Variants in MYLK observed in about 807,000 individuals in gnomAD.
MYLK encodes myosin light chain kinase, smooth muscle.
Under a neutral mutation model 203.4 loss-of-function variants are expected in MYLK, and 106 were observed. That is an observed-to-expected ratio of 0.52 (90% confidence interval 0.45 to 0.61). The LOEUF (loss-of-function observed/expected upper bound fraction) is 0.61. MYLK is among the 20% of genes least tolerant of loss of function. The pLI, the probability that MYLK is intolerant of heterozygous loss-of-function variation, is 0.00. For synonymous variants in MYLK, 867 were observed against 959.5 expected (o/e 0.90, Z 1.78); for missense variants, 2,072 against 2,442.3 (o/e 0.85, Z 3.20).
intron 3 of MYLK, among the ~76,000 whole-genome samples, chr3:123,812,739 C>A (rs1296410391): frequency 1.3e-5 from 2 of 152,210 alleles, no homozygotes; most frequent in Non-Finnish European, 2.9e-5. Flanking sequence ...CACATCCAGT[C>A]AGCTGTGCCT....
At chr3:123,685,822 T>C (rs1036961713) in intron 19 of MYLK, among the ~76,000 whole-genome samples, 1 of 152,250 alleles carries the variant, frequency 6.6e-6, no homozygotes. Flanking sequence ...CCCTGTAATG[T>C]GCTTTGAGTC....
At chr3:123,837,671 T>C (rs2066507202) in intron 2 of MYLK, among the ~76,000 whole-genome samples, 4 of 151,968 alleles carry the variant, frequency 2.6e-5, no homozygotes, top group African/African-American at 9.6e-5. Context: ...GCATCACCTG[T>C]AAAAGAAATG....
intron 20 of MYLK, among the ~76,000 whole-genome samples, chr3:123,671,672 C>G (rs2059917132): frequency 6.6e-6 from 1 of 152,044 alleles, no homozygotes; most frequent in Admixed American, 6.6e-5. Flanking sequence ...CAAAGAGAAG[C>G]AAGGAAACAA....
intron 4 of MYLK, among the ~76,000 whole-genome samples, chr3:123,767,652 C>T (rs1372564255): frequency 2.6e-5 from 4 of 152,200 alleles, no homozygotes; most frequent in African/African-American, 9.6e-5. Context: ...GGTGCCAGAG[C>T]TGCCCTAAGG....
chr3:123,614,028 G>GTTTTT lies in MYLK; in HGVS notation c.*72_*76dup. The GTTTTT allele has an allele frequency of 1.4e-5, 18 of 1,291,510 alleles. No individual in the cohort carries two copies. The highest frequency in any genetic ancestry group is 2.7e-5 in the South Asian group (2 of 75,176). 80.0% of individuals were successfully genotyped at this position (1,291,510 alleles called of 1,614,324 possible). On this transcript the variant is annotated 3_prime_UTR_variant, in exon 34 of 34. Coordinates refer to ENST00000360304, the MANE Select transcript of MYLK (RefSeq NM_053025.4). Reference sequence around the variant, plus strand: ...ACACTAGGTGCTTTTACTATCTTGAGTTTTTTTTTTTTTTTTGAGTTTTAG... The same window carrying GTTTTT: ...ACACTAGGTGCTTTTACTATCTTGAGTTTTTTTTTTTTTTTTTTTTTGAGTTTTAG...
At chr3:123,696,455 G>A (rs139321810) in intron 18 of MYLK, among the ~76,000 whole-genome samples, 4 of 152,070 alleles carry the variant, frequency 2.6e-5, no homozygotes, top group East Asian at 3.9e-4. Flanking sequence ...GATGCAGGAC[G>A]GGAGGCCAGC....
chr3:123,860,183 A>C (rs765383985), intron 2 of MYLK, among the ~76,000 whole-genome samples: 1 of 152,226 alleles, frequency 6.6e-6, no homozygotes, highest in African/African-American at 2.4e-5. Flanking sequence ...TGCAGACAGC[A>C]GAGCAGTGCT....
intron 14 of MYLK, 83 bp from the exon 15 acceptor site, chr3:123,708,978 T>G: frequency 8.2e-7 from 1 of 1,213,350 alleles, no homozygotes; most frequent in Non-Finnish European, 1.2e-6. Context: ...TGCAGTGATA[T>G]TGGATGAAAC....
Position 123,732,965 on chromosome 3 carries a change from CA to C in MYLK, c.1446del (p.Ser482ArgfsTer28), listed in dbSNP as rs1162531713. The C allele has an allele frequency of 6.2e-7, 1 of 1,614,208 alleles. No homozygotes were observed. Among genetic ancestry groups the C allele is most frequent in the Non-Finnish European group, 8.5e-7 (1 of 1,180,046 alleles). On this transcript the variant is annotated frameshift_variant, in exon 11 of 34. Coordinates refer to ENST00000360304, the MANE Select transcript of MYLK (RefSeq NM_053025.4). LOFTEE classifies it high-confidence loss of function. ...TTGGAAGCAGTGCAGCTGTATGTCC[CA>C]CTGTCCCTGGTCCGGGCTTTCAGCA... ...LCLLKARTRD[S>X]GTYSCTASNA...
At chr3:123,850,297 T>C (rs1366534373) in intron 2 of MYLK, among the ~76,000 whole-genome samples, 1 of 152,234 alleles carries the variant, frequency 6.6e-6, no homozygotes, top group Non-Finnish European at 1.5e-5. Flanking sequence ...TTTCTAATTC[T>C]AGATCCTTGA....
rs1427597265 is a variant in MYLK at position 123,613,675 on chromosome 3, G to T, written c.*430C>A. ...CTGGGAGAAAACCCAGTTCTCTAGA[G>T]TCAGGGGGTGGGGAGAGAGAGGCCT... On this transcript the variant is annotated 3_prime_UTR_variant, in exon 34 of 34. Coordinates refer to ENST00000360304, the MANE Select transcript of MYLK (RefSeq NM_053025.4). 1.8e-5 allele frequency: 4 copies of T among 221,090 alleles called. No homozygotes were observed. The highest frequency in any genetic ancestry group is 2.7e-5 in the Non-Finnish European group (3 of 110,774). The allele number at this position is 221,090 out of a possible 1,614,324, so 13.7% of individuals were successfully genotyped here.
chr3:123,783,260 A>G (rs2064369853), intron 4 of MYLK, among the ~76,000 whole-genome samples: 2 of 152,196 alleles, frequency 1.3e-5, no homozygotes, highest in African/African-American at 2.4e-5. Context: ...CATTCTGCCA[A>G]TCTAAGCCCC....
chr3:123,817,106 GA>G (rs1243922269), intron 3 of MYLK, among the ~76,000 whole-genome samples: 1 of 152,190 alleles, frequency 6.6e-6, no homozygotes, highest in Non-Finnish European at 1.5e-5. Flanking sequence ...TGTTCAGAGG[GA>G]AAAGAGATGG....
chr3:123,691,905 C>T (rs2060685229), intron 19 of MYLK: 1 of 152,192 alleles, frequency 6.6e-6, no homozygotes, highest in African/African-American at 2.4e-5. Context: ...CCAGCTTGGC[C>T]CTAAATGGGC....
chr3:123,814,180 T>C, intron 3 of MYLK: 1 of 306,066 alleles, frequency 3.3e-6, no homozygotes. Context: ...TGTCTCGGGC[T>C]CAGGGATAAA....
intron 31 of MYLK, chr3:123,623,017 T>G (rs1168889534): frequency 1.3e-5 from 2 of 152,234 alleles, no homozygotes; most frequent in Non-Finnish European, 2.9e-5. Context: ...CTTGGAGAGC[T>G]TGTGGGGCCA....
In MYLK at chr3:123,700,508, C is replaced by G; in HGVS notation, c.2960G>C (p.Gly987Ala). ...ATPDFRSVLG[G>A]KKKLPAENGS... is the part of the protein sequence containing the mutation. ...ATTCTCTGCTGGTAATTTCTTCTTG[C>G]CACCCAGCACTGAGCGAAAATCCGG... The change falls in exon 18 of 34, where the codon GGC (glycine) becomes GCC (alanine). Residue 987 changes from glycine (G) to alanine (A), a missense_variant. Gly to Ala is a moderately conservative substitution (Grantham distance 60). Transcript: ENST00000360304. 6.2e-7 allele frequency: 1 copy of G among 1,607,388 alleles called. No individual in the cohort carries two copies. The highest frequency in any genetic ancestry group is 8.5e-7 in the Non-Finnish European group (1 of 1,175,566).
At chr3:123,825,322 T>G (rs1433547988) in intron 3 of MYLK, among the ~76,000 whole-genome samples, 3 of 152,074 alleles carry the variant, frequency 2.0e-5, no homozygotes, top group Non-Finnish European at 4.4e-5. Flanking sequence ...ACCTGTGGTG[T>G]CCAGGAGGGC....
intron 3 of MYLK, among the ~76,000 whole-genome samples, chr3:123,822,445 G>A (rs1471179461): frequency 6.6e-6 from 1 of 152,154 alleles, no homozygotes; most frequent in African/African-American, 2.4e-5. Flanking sequence ...AACCTGAACT[G>A]GTAGTTCTGT....
Sources: gnomAD v4.1 joint callset for allele counts (sites outside exome capture counted in the v4.1 genomes callset) on GRCh38, gnomAD v4.1.1 for gene constraint, MANE v1.5 for transcripts, NCBI Gene and HGNC (gene_info 2026-07-23, HGNC 2026-07-21) for gene names.